The following ROCK2 variants were observed in gnomAD, a reference collection of about 807,000 sequenced individuals.
ROCK2 encodes Rho associated coiled-coil containing protein kinase 2.
In ROCK2, 61 loss-of-function variants were observed where a neutral mutation model predicts 195.1. That is an observed-to-expected ratio of 0.31 (90% CI 0.25 to 0.39). The LOEUF (loss-of-function observed/expected upper bound fraction) is 0.39. Among genes scored for constraint, ROCK2 ranks in the 10% least tolerant of loss-of-function variants. The probability of loss-of-function intolerance (pLI) is 1.00; values close to 1 mark genes in which losing one functional copy is unlikely to be tolerated. For missense variants in ROCK2, 1,109 were observed against 1,637.4 expected (o/e 0.68, Z 5.57); for synonymous variants, 504 against 545.5 (o/e 0.92, Z 1.06).
At chr2:11,284,760 C>T (rs375901503) in intron 3 of ROCK2, among the ~76,000 whole-genome samples, 93 of 152,272 alleles carry the variant, frequency 6.1e-4, no homozygotes, top group African/African-American at 1.9e-3. Flanking sequence ...TTAATTAAGA[C>T]AGTACTGTTA....
intron 1 of ROCK2, among the ~76,000 whole-genome samples, chr2:11,335,350 A>C (rs949473876): frequency 6.6e-6 from 1 of 152,192 alleles, no homozygotes; most frequent in Non-Finnish European, 1.5e-5. Flanking sequence ...ATTAAGGATA[A>C]AGTGAGTATA....
At chr2:11,296,001 GAGAGGAGAGA>G (rs1667513485) in intron 1 of ROCK2, among the ~76,000 whole-genome samples, 1 of 22,934 alleles carries the variant, frequency 4.4e-5, no homozygotes, top group African/African-American at 1.2e-4. Flanking sequence ...GAGAGAGAGA[GAGAGGAGAGA>G]GAGAGAGAGA....
chr2:11,207,754 A>G lies in ROCK2; in HGVS notation c.2521T>C (p.Leu841=), dbSNP rs186500368. 83 of 1,604,948 alleles carry G rather than the reference A, an allele frequency of 5.2e-5. No individual in the cohort carries two copies. In the African/African-American group the frequency reaches 8.8e-4, roughly 17 times the overall value. ...CGAAGTTCAGCATTTTGTTTTTCCA[A>G]GTTCATTTTCATTTCCATGAGATGG... ...NNHLMEMKMN[L]EKQNAELRKE... is the part of the protein sequence containing the mutation. Residue 841 remains leucine, a synonymous_variant, in exon 20 of 33, where the codon TTG becomes CTG. Transcript: ENST00000315872.
rs2148054960 is a variant in ROCK2 at position 11,208,369 on chromosome 2, C to T, written c.2282G>A (p.Cys761Tyr). The part of the protein sequence containing the change: ...ENLLLEAEKR[C>Y]SLLDCDLKQS... ...TTTGAGGTCACAGTCTAATAGAGAACATCTTTTCTCAGCTTCTAGCAATAG... is the reference window on the plus strand; with the variant it reads ...TTTGAGGTCACAGTCTAATAGAGAATATCTTTTCTCAGCTTCTAGCAATAG... Residue 761 changes from cysteine to tyrosine, a missense_variant, in exon 19 of 33, where the codon TGT becomes TAT. Transcript: ENST00000315872. 1 of 1,551,754 alleles carries T rather than the reference C, an allele frequency of 6.4e-7. No individual in the cohort carries two copies. The highest frequency in any genetic ancestry group is 1.4e-5 in the African/African-American group (1 of 73,868).
At chr2:11,256,549 G>C (rs996066424) in intron 3 of ROCK2, among the ~76,000 whole-genome samples, 2 of 150,374 alleles carry the variant, frequency 1.3e-5, no homozygotes, top group Non-Finnish European at 2.9e-5. Flanking sequence ...ATGTGAGAAC[G>C]GACTAATACA....
At chr2:11,212,301 T>C (rs1664278351) in intron 17 of ROCK2, among the ~76,000 whole-genome samples, 1 of 152,126 alleles carries the variant, frequency 6.6e-6, no homozygotes, top group Non-Finnish European at 1.5e-5. Flanking sequence ...TAGTAATCTA[T>C]ATACTCTACT....
At chr2:11,296,048 G>A (rs967052300) in intron 1 of ROCK2, among the ~76,000 whole-genome samples, 2 of 146,960 alleles carry the variant, frequency 1.4e-5, no homozygotes, top group Admixed American at 6.7e-5. Context: ...GAGAGAGAGA[G>A]AGAAAACAAA....
At chr2:11,218,620 G>A (rs966913641) in intron 10 of ROCK2, among the ~76,000 whole-genome samples, 154 bp from the exon 11 acceptor site, 1 of 152,190 alleles carries the variant, frequency 6.6e-6, no homozygotes, top group African/African-American at 2.4e-5. Context: ...TCATTTATGT[G>A]TATGTGTATA....
rs1663561816 is a variant in ROCK2 at position 11,194,709 on chromosome 2, A to G, written c.3519+246T>C. ...CTATATTCACAGTTCTTTTCCCAACAAAACAGCAAAAGTATCAAAATCAAC... is the reference window on the plus strand; with the variant it reads ...CTATATTCACAGTTCTTTTCCCAACGAAACAGCAAAAGTATCAAAATCAAC... On this transcript the variant is annotated intron_variant, in intron 28 of 32. Coordinates refer to ENST00000315872, the MANE Select transcript of ROCK2 (RefSeq NM_004850.5). Among the ~76,000 whole-genome samples the G allele has an allele frequency of 2.6e-5, 4 of 152,110 alleles. No homozygotes were observed. The South Asian group carries it at 8.3e-4, about 31-fold the overall frequency.
chr2:11,225,730 A>G (rs1054868602), intron 6 of ROCK2, among the ~76,000 whole-genome samples: 2 of 152,212 alleles, frequency 1.3e-5, no homozygotes, highest in African/African-American at 2.4e-5. Flanking sequence ...TCTAGGCAAA[A>G]AAGAGAATAT....
At chr2:11,195,417 A>G (rs908709428) in intron 27 of ROCK2, among the ~76,000 whole-genome samples, 2 of 152,094 alleles carry the variant, frequency 1.3e-5, no homozygotes, top group Non-Finnish European at 1.5e-5. Context: ...CACATTGTGC[A>G]CATTTTCAAG....
intron 1 of ROCK2, among the ~76,000 whole-genome samples, chr2:11,310,615 A>G (rs1668003295): frequency 1.3e-5 from 2 of 152,182 alleles, no homozygotes; most frequent in East Asian, 3.8e-4. Context: ...ATGCAAAATA[A>G]TATTTTATAT....
intron 1 of ROCK2, among the ~76,000 whole-genome samples, chr2:11,333,499 C>T (rs1297451133): frequency 6.6e-6 from 1 of 151,828 alleles, no homozygotes; most frequent in Non-Finnish European, 1.5e-5. Context: ...GTCCAGAGAA[C>T]ACACAAAAAA....
chr2:11,215,527 C>A lies in ROCK2; in HGVS notation c.1580G>T (p.Arg527Leu). ...CCACAAACCATCATTTTCCAAATTT[C>A]GTTTTTTGTCTGCTTCATGATCAGC... ...RKADHEADKK[R>L]NLENDVNSLK... Residue 527 changes from arginine to leucine, a missense_variant, in exon 14 of 33, where the codon CGA becomes CTA. Physicochemically the swap from Arg to Leu is moderately radical, Grantham distance 102. This residue lies in a region of ROCK2 where 542 missense variants were observed against 672.0 expected (regional missense o/e 0.81). Transcript: ENST00000315872. 6.2e-7 allele frequency: 1 copy of A among 1,611,016 alleles called. No homozygotes were observed. The highest frequency in any genetic ancestry group is 8.5e-7 in the Non-Finnish European group (1 of 1,179,228).
intron 4 of ROCK2, among the ~76,000 whole-genome samples, chr2:11,248,016 C>T (rs1168646144): frequency 1.3e-5 from 2 of 151,132 alleles, no homozygotes; most frequent in Non-Finnish European, 2.9e-5. Context: ...AGGGAGACTC[C>T]GTCTCAAGGG....
At chr2:11,240,210 A>T (rs143021063) in intron 4 of ROCK2, among the ~76,000 whole-genome samples, 6 of 152,316 alleles carry the variant, frequency 3.9e-5, no homozygotes, top group Middle Eastern at 3.4e-3. Context: ...GAGGTCTGGC[A>T]GCTAAAAGCC....
Position 11,185,104 on chromosome 2 carries a change from T to C in ROCK2, c.4164-1664A>G, listed in dbSNP as rs550454309. Among the ~76,000 whole-genome samples the C allele has an allele frequency of 2.0e-5, 3 of 152,354 alleles. No individual in the cohort carries two copies. The South Asian group carries it at 6.2e-4, about 32-fold the overall frequency. ...GATGCCCAGTTTGATTTGAGAATTA[T>C]GAAAGCACATTTGTCAATGTTCCCC... On this transcript the variant is annotated intron_variant, in intron 32 of 32. Transcript: ENST00000315872.
At chr2:11,214,076 C>G (rs992555223) in intron 17 of ROCK2, among the ~76,000 whole-genome samples, 2 of 152,090 alleles carry the variant, frequency 1.3e-5, no homozygotes, top group Non-Finnish European at 2.9e-5. Context: ...TGTTATGAGT[C>G]GAAATTTGAG....
chr2:11,250,186 A>G (rs937444329), intron 3 of ROCK2, among the ~76,000 whole-genome samples: 6 of 152,222 alleles, frequency 3.9e-5, no homozygotes, highest in Non-Finnish European at 8.8e-5. Flanking sequence ...TGAAAGATCA[A>G]TGTATACACA....
Sources: gnomAD v4.1 joint callset for allele counts (sites outside exome capture counted in the v4.1 genomes callset) on GRCh38, gnomAD v4.1.1 for gene constraint, gnomAD v4.1.1 regional missense constraint, MANE v1.5 for transcripts, NCBI Gene and HGNC (gene_info 2026-07-23, HGNC 2026-07-21) for gene names.